Variants in EDDM13 observed in about 807,000 individuals in gnomAD.
EDDM13 encodes epididymal protein 13.
EDDM13 carries 24 observed loss-of-function variants against 17.8 expected under a neutral mutation model. The ratio of observed to expected loss-of-function variants is 1.35; its 90% CI spans 0.98 to 1.90. EDDM13 has a LOEUF of 1.90. Ranked by LOEUF, EDDM13 falls within the 40% of genes most tolerant of loss-of-function variation. EDDM13 has a pLI of 0.00. For synonymous variants in EDDM13, 31 were observed against 37.5 expected, an observed-to-expected ratio of 0.83 and a Z score of 0.63; for missense variants, 97 against 100.8, an observed-to-expected ratio of 0.96 and a Z score of 0.16.
At chr19:56,273,884 T>C (rs1013433907) in intron 1 of EDDM13, among the ~76,000 whole-genome samples, 1 of 152,266 alleles carries the variant, frequency 6.6e-6, no homozygotes, top group Non-Finnish European at 1.5e-5. Context: ...TGTATGTGTG[T>C]TTCTGTGTGT....
At chr19:56,300,957 C>T (rs933285941) in intron 12 of EDDM13, among the ~76,000 whole-genome samples, 5 of 152,122 alleles carry the variant, frequency 3.3e-5, no homozygotes, top group Admixed American at 2.6e-4. Context: ...CCTGCTGGCA[C>T]TCATGTGGGA....
chr19:56,290,630 G>A (rs979880631), intron 8 of EDDM13, among the ~76,000 whole-genome samples: 8 of 152,138 alleles, frequency 5.3e-5, no homozygotes, highest in African/African-American at 1.4e-4. Flanking sequence ...AGGCTGTGGT[G>A]GGAGGAAGGC....
At chr19:56,307,566 C>T (rs1315067113) in intron 14 of EDDM13, among the ~76,000 whole-genome samples, 2 of 152,194 alleles carry the variant, frequency 1.3e-5, no homozygotes, top group Non-Finnish European at 2.9e-5. Context: ...TGCTGTCTTA[C>T]GTTACTCTCT....
At chr19:56,303,306 C>T (rs560346988) in intron 13 of EDDM13, among the ~76,000 whole-genome samples, 2 of 151,862 alleles carry the variant, frequency 1.3e-5, no homozygotes, top group East Asian at 1.9e-4. Flanking sequence ...GGTGAAACCC[C>T]GTCTCTACTA....
intron 9 of EDDM13, among the ~76,000 whole-genome samples, chr19:56,292,607 G>A (rs921318084): frequency 2.4e-4 from 37 of 151,910 alleles, no homozygotes; most frequent in African/African-American, 8.2e-4. Flanking sequence ...TAAAGTGTGC[G>A]ATTTAGTGGC....
At chr19:56,285,094 G>A in intron 6 of EDDM13, 70 bp downstream of exon 6, 2 of 806,274 alleles carry the variant, frequency 2.5e-6, no homozygotes, top group East Asian at 1.3e-4. Flanking sequence ...GACTTATTGA[G>A]TCATTTATGC....
At chr19:56,291,120 C>T (rs1362112625) in intron 9 of EDDM13, among the ~76,000 whole-genome samples, 1 of 152,136 alleles carries the variant, frequency 6.6e-6, no homozygotes, top group African/African-American at 2.4e-5. Flanking sequence ...CATATCACGT[C>T]CCCGAGCTCA....
At chr19:56,280,989 C>T (rs1022418739) in intron 2 of EDDM13, among the ~76,000 whole-genome samples, 12 of 152,196 alleles carry the variant, frequency 7.9e-5, no homozygotes, top group African/African-American at 2.9e-4. Context: ...TAACTTTTGA[C>T]TTCCCCAAAA....
intron 9 of EDDM13, among the ~76,000 whole-genome samples, chr19:56,292,610 T>C (rs76679007): frequency 0.01 from 1,556 of 152,208 alleles, 35 homozygotes; most frequent in African/African-American, 0.036. Flanking sequence ...AGTGTGCGAT[T>C]TAGTGGCCCT....
chr19:56,276,504 C>CT (rs767095656), intron 2 of EDDM13, among the ~76,000 whole-genome samples: 1 of 97,058 alleles, frequency 1.0e-5, no homozygotes, highest in African/African-American at 3.1e-5. Context: ...ATCTAAAGAG[C>CT]TCTTTTTTTT....
intron 2 of EDDM13, among the ~76,000 whole-genome samples, chr19:56,280,449 CA>C (rs969442458): frequency 2.1e-4 from 32 of 152,074 alleles, no homozygotes; most frequent in Middle Eastern, 3.4e-3. Context: ...GGATATATAT[CA>C]ATGTAGATCT....
At chr19:56,290,709 C>T (rs1331490720) in intron 8 of EDDM13, among the ~76,000 whole-genome samples, 132 bp from the exon 9 acceptor site, 1 of 152,144 alleles carries the variant, frequency 6.6e-6, no homozygotes, top group East Asian at 1.9e-4. Context: ...AATATAAATA[C>T]ATAAACAGTT....
At chr19:56,281,638 T>C in intron 2 of EDDM13, 55 bp from the exon 3 acceptor site, 1 of 958,134 alleles carries the variant, frequency 1.0e-6, no homozygotes, top group Non-Finnish European at 1.2e-6. Context: ...TTCCACTCTC[T>C]TCCTTGAATT....
intron 8 of EDDM13, among the ~76,000 whole-genome samples, chr19:56,289,789 A>C (rs983073131): frequency 1.3e-5 from 2 of 151,966 alleles, no homozygotes; most frequent in African/African-American, 4.8e-5. Context: ...AATATTTTAC[A>C]TTTTTGTAGA....
At chr19:56,296,717 G>T (rs980401457) in intron 11 of EDDM13, among the ~76,000 whole-genome samples, 6 of 152,060 alleles carry the variant, frequency 3.9e-5, no homozygotes, top group Admixed American at 3.9e-4. Context: ...AGAGTAATGG[G>T]GATGGAAACG....
intron 1 of EDDM13, among the ~76,000 whole-genome samples, 184 bp from the exon 2 acceptor site, chr19:56,275,908 G>A (rs2038213397): frequency 6.6e-6 from 1 of 152,216 alleles, no homozygotes; most frequent in Non-Finnish European, 1.5e-5. Flanking sequence ...CTTATCGATG[G>A]ATGGATGGGC....
rs1318620460 is a variant in EDDM13 at position 56,296,322 on chromosome 19, CCT to C, written c.242-13_242-12del. 1.3e-5 allele frequency: 2 copies of C among 152,126 alleles called. No individual in the cohort carries two copies. The highest frequency in any genetic ancestry group is 2.4e-5 in the African/African-American group (1 of 41,404). 9.4% of individuals were successfully genotyped at this position (152,126 alleles called of 1,614,324 possible). A position where few individuals can be genotyped will look rare whatever the true frequency, so the allele number is the denominator to read the frequency against. On this transcript the variant is annotated splice_polypyrimidine_tract_variant and intron_variant, in intron 10 of 14. Transcript: ENST00000649256. ...TCCCTTCTGACTCGCGTTGTATGCC[CCT>C]GTCCTCCTTAGGCTTGCTGAGCCTC...
chr19:56,307,506 A>T (rs898978961), intron 14 of EDDM13, among the ~76,000 whole-genome samples: 2 of 152,194 alleles, frequency 1.3e-5, no homozygotes, highest in Non-Finnish European at 2.9e-5. Flanking sequence ...ACATTTACTT[A>T]TTATGAAGTG....
chr19:56,302,173 C>T (rs1034084430), intron 13 of EDDM13, 78 bp downstream of exon 13: 202 of 1,099,880 alleles, frequency 1.8e-4, no homozygotes, highest in Middle Eastern at 3.3e-4. Context: ...ACAGAGGAAG[C>T]GAAGGAGGGT....
Sources: gnomAD v4.1 joint callset for allele counts (sites outside exome capture counted in the v4.1 genomes callset) on GRCh38, gnomAD v4.1.1 for gene constraint, MANE v1.5 for transcripts, NCBI Gene and HGNC (gene_info 2026-07-23, HGNC 2026-07-21) for gene names.